GCC2: variants seen among roughly 807,000 people sequenced by gnomAD.
GCC2 encodes the protein GRIP and coiled-coil domain-containing protein 2.
GCC2 carries 120 observed loss-of-function variants against 210.6 expected under a neutral mutation model. That is an observed-to-expected ratio of 0.57 (90% CI 0.49 to 0.66). GCC2 has a LOEUF of 0.66. Ranked by LOEUF, GCC2 falls within the 30% of genes least tolerant of loss-of-function variation. GCC2 has a pLI of 0.00. For synonymous variants in GCC2, 703 were observed against 652.7 expected, an observed-to-expected ratio of 1.08 and a Z score of -1.17; for missense variants, 1,868 against 1,871.9, an observed-to-expected ratio of 1.00 and a Z score of 0.04.
intron 13 of GCC2, chr2:108,484,859 GAC>G (rs1032983431): frequency 1.3e-5 from 2 of 151,916 alleles, no homozygotes; most frequent in African/African-American, 4.8e-5. Context: ...CTGCTATAAA[GAC>G]ACATGCACAC....
intron 13 of GCC2, chr2:108,484,516 A>G (rs1159465888): frequency 3.2e-6 from 1 of 311,076 alleles, no homozygotes; most frequent in Non-Finnish European, 6.1e-6. Flanking sequence ...CCTGAATGGT[A>G]ATGCCTAGGT....
chr2:108,501,631 T>G (rs1682931207), intron 22 of GCC2, among the ~76,000 whole-genome samples: 2 of 151,952 alleles, frequency 1.3e-5, no homozygotes, highest in South Asian at 4.2e-4. Flanking sequence ...CTGATAAGAG[T>G]CATCCTCAAA....
chr2:108,463,592 A>G (rs1431099597), intron 4 of GCC2, among the ~76,000 whole-genome samples: 1 of 152,112 alleles, frequency 6.6e-6, no homozygotes, highest in African/African-American at 2.4e-5. Context: ...CAGTGGTGGT[A>G]GTTGTGGATT....
chr2:108,503,462 A>T (rs2581013), intron 22 of GCC2, among the ~76,000 whole-genome samples: 1 of 152,248 alleles, frequency 6.6e-6, no homozygotes, highest in Admixed American at 6.5e-5. Flanking sequence ...TCTAAGATGC[A>T]AGAAAGAAAG....
intron 12 of GCC2, 124 bp downstream of exon 12, chr2:108,483,290 C>T (rs1217838146): frequency 1.7e-6 from 1 of 576,046 alleles, no homozygotes; most frequent in Non-Finnish European, 3.1e-6. Flanking sequence ...GTGGCATGAT[C>T]TCGGCTCACT....
At position 108,470,525 on chromosome 2, in the gene GCC2, G is replaced by A. The variant is rs1681140148; in HGVS notation, c.1196G>A (p.Cys399Tyr). Residue 399 changes from cysteine to tyrosine, a missense_variant, in exon 6 of 23, where the codon TGT (cysteine) becomes TAT (tyrosine). Physicochemically the swap from Cys to Tyr is radical, Grantham distance 194. Coordinates refer to ENST00000309863, the MANE Select transcript of GCC2 (RefSeq NM_181453.4). The part of the protein sequence containing the change: ...ELLLAKEEQG[C>Y]VIEKLKSELA... ...TTACTAGCTAAAGAAGAACAGGGCT[G>A]TGTAATTGAAAAATTAAAATCTGAG... 1 of 1,606,544 alleles carries A rather than the reference G, an allele frequency of 6.2e-7. No homozygotes were observed. Among genetic ancestry groups the A allele is most frequent in the Non-Finnish European group, 8.5e-7 (1 of 1,177,420 alleles).
chr2:108,491,563 C>T (rs773177468), intron 18 of GCC2, among the ~76,000 whole-genome samples: 4 of 152,026 alleles, frequency 2.6e-5, no homozygotes, highest in African/African-American at 4.8e-5. Context: ...TTGTATGGTG[C>T]GCATGTGTGT....
intron 4 of GCC2, among the ~76,000 whole-genome samples, chr2:108,458,954 T>C (rs969065055): frequency 2.1e-4 from 32 of 152,184 alleles, no homozygotes; most frequent in Non-Finnish European, 1.2e-4. Flanking sequence ...TTCCTTCTGC[T>C]AATTTTGGGT....
Position 108,507,614 on chromosome 2 carries a change from G to A in GCC2, c.5039G>A (p.Trp1680Ter). The A allele has an allele frequency of 1.9e-6, 3 of 1,592,910 alleles. No individual in the cohort carries two copies. The highest frequency in any genetic ancestry group is 2.6e-6 in the Non-Finnish European group (3 of 1,165,574). The change falls in exon 23 of 23, where the codon TGG (tryptophan) becomes TAG (stop). Residue 1680 changes from tryptophan to a stop codon, truncating the protein, a stop_gained. Transcript: ENST00000309863. LOFTEE classifies it high-confidence loss of function. Reference protein sequence around the residue: ...SSGWASYLHSWSGLR With the variant: ...SSGWASYLHS ...GGATGGGCATCCTATCTTCATAGTTGGTCTGGACTTCGATAGGTTGATGGA... is the reference window on the plus strand; with the variant it reads ...GGATGGGCATCCTATCTTCATAGTTAGTCTGGACTTCGATAGGTTGATGGA...
intron 17 of GCC2, among the ~76,000 whole-genome samples, chr2:108,488,046 C>T (rs1682234570): frequency 6.6e-6 from 1 of 151,818 alleles, no homozygotes; most frequent in South Asian, 2.1e-4. Flanking sequence ...GCTGGGATTA[C>T]AGGCGTGTAC....
Position 108,489,977 on chromosome 2 carries a change from C to T in GCC2, c.4192C>T (p.Gln1398Ter). 1 of 1,608,590 alleles carries T rather than the reference C, an allele frequency of 6.2e-7. No homozygotes were observed. The highest frequency in any genetic ancestry group is 1.7e-4 in the Middle Eastern group (1 of 6,048). The change falls in exon 18 of 23, where the codon CAG becomes TAG. Residue 1398 changes from glutamine (Q) to a stop codon, truncating the protein, a stop_gained. Coordinates refer to ENST00000309863, the MANE Select transcript of GCC2 (RefSeq NM_181453.4). LOFTEE classifies it high-confidence loss of function. ...TLLERHNKML[Q>*]ETVSKEAELR... is the part of the protein sequence containing the mutation. ...GCTAGAAAGGCACAACAAGATGCTG[C>T]AGGAAACTGTGTCCAAAGAGGCGGA...
At position 108,470,274 on chromosome 2, in the gene GCC2, A is replaced by G. The variant is rs1489590964; in HGVS notation, c.945A>G (p.Ile315Met). 2 of 1,613,686 alleles carry G rather than the reference A, an allele frequency of 1.2e-6. No individual in the cohort carries two copies. Among genetic ancestry groups the G allele is most frequent in the South Asian group, 1.1e-5 (1 of 91,006 alleles). Residue 315 changes from isoleucine (I) to methionine (M), a missense_variant, in exon 6 of 23, where the codon ATA (isoleucine) becomes ATG (methionine). Physicochemically the swap from Ile to Met is conservative, Grantham distance 10. Transcript: ENST00000309863. Reference protein sequence around the residue: ...ATSNANQDNQICSILLQENTF... With the variant: ...ATSNANQDNQMCSILLQENTF... ...CAAATGCAAACCAAGACAATCAGAT[A>G]TGTTCTATTCTCTTGCAAGAAAATA...
Position 108,475,617 on chromosome 2 carries a change from A to G in GCC2, c.2943A>G (p.Leu981=). 6.5e-7 allele frequency: 1 copy of G among 1,544,400 alleles called. No individual in the cohort carries two copies. Among genetic ancestry groups the G allele is most frequent in the Non-Finnish European group, 8.7e-7 (1 of 1,144,904 alleles). The change falls in exon 8 of 23, where the codon CTA becomes CTG. Residue 981 remains leucine (L), a synonymous_variant. Coordinates refer to ENST00000309863, the MANE Select transcript of GCC2 (RefSeq NM_181453.4). ...KLVAVKAKKE[L]DSSRKETQTV... ...TTGCCGTAAAGGCAAAGAAAGAACT[A>G]GATTCCAGCAGAAAAGAGGTGAGCT...
chr2:108,458,685 C>T (rs1347307163), intron 4 of GCC2, among the ~76,000 whole-genome samples: 1 of 151,722 alleles, frequency 6.6e-6, no homozygotes, highest in African/African-American at 2.4e-5. Flanking sequence ...TATCCATTTC[C>T]TCTAGGTTTT....
intron 22 of GCC2, among the ~76,000 whole-genome samples, chr2:108,505,171 A>C (rs1432537991): frequency 6.6e-6 from 1 of 152,254 alleles, no homozygotes; most frequent in Non-Finnish European, 1.5e-5. Flanking sequence ...TTTTTGTCAA[A>C]AATCTTATAT....
intron 10 of GCC2, 33 bp downstream of exon 10, chr2:108,481,849 A>G (rs776047247): frequency 2.1e-6 from 3 of 1,439,992 alleles, no homozygotes; most frequent in South Asian, 2.6e-5. Context: ...AATGAAAACT[A>G]TAACAGGTAT....
intron 4 of GCC2, among the ~76,000 whole-genome samples, chr2:108,467,260 A>G (rs1434663921): frequency 6.6e-6 from 1 of 152,176 alleles, no homozygotes; most frequent in Non-Finnish European, 1.5e-5. Context: ...GACTCTTGAT[A>G]TTCTTTGATA....
intron 9 of GCC2, among the ~76,000 whole-genome samples, chr2:108,479,441 G>A (rs893653687): frequency 6.6e-6 from 1 of 152,168 alleles, no homozygotes; most frequent in Non-Finnish European, 1.5e-5. Flanking sequence ...AGGAGTTTGA[G>A]ACCAGCCTGG....
intron 4 of GCC2, among the ~76,000 whole-genome samples, chr2:108,453,989 T>TA (rs959949763): frequency 2.6e-5 from 4 of 151,890 alleles, no homozygotes; most frequent in African/African-American, 9.7e-5. Context: ...TTTATTTATT[T>TA]TTATTTATTT....
Sources: gnomAD v4.1 joint callset for allele counts (sites outside exome capture counted in the v4.1 genomes callset) on GRCh38, gnomAD v4.1.1 for gene constraint, MANE v1.5 for transcripts, NCBI Gene and HGNC (gene_info 2026-07-23, HGNC 2026-07-21) for gene names.